Variants in CRPPA observed in about 807,000 individuals in gnomAD.
The protein encoded by CRPPA is D-ribitol-5-phosphate cytidylyltransferase.
Under a neutral mutation model 52.0 loss-of-function variants are expected in CRPPA, and 43 were observed. That is an observed-to-expected ratio of 0.83 (90% CI 0.65 to 1.07). The LOEUF is 1.07. CRPPA is among the 50% of genes least tolerant of loss of function. CRPPA has a pLI of 0.00. For missense variants in CRPPA, 629 were observed against 551.7 expected (o/e 1.14, Z -1.40); for synonymous variants, 250 against 203.5 (o/e 1.23, Z -1.94).
intron 8 of CRPPA, among the ~76,000 whole-genome samples, chr7:16,224,817 G>T (rs1276613638): frequency 6.6e-6 from 1 of 152,086 alleles, no homozygotes; most frequent in Non-Finnish European, 1.5e-5. Flanking sequence ...AACTATTTAA[G>T]AATTAGATTC....
At chr7:16,300,470 T>C (rs559688922) in intron 5 of CRPPA, among the ~76,000 whole-genome samples, 147 of 152,268 alleles carry the variant, frequency 9.7e-4, no homozygotes, top group South Asian at 2.9e-3. Flanking sequence ...TGTTTCAGGA[T>C]TGGGGTGAAC....
chr7:16,303,495 A>AAAAAACAAAC (rs1427980703), intron 4 of CRPPA, among the ~76,000 whole-genome samples: 4 of 147,996 alleles, frequency 2.7e-5, no homozygotes, highest in East Asian at 1.9e-4. Context: ...AAAAAAAAAA[A>AAAAAACAAAC]AAAAAAAACT....
At position 16,270,818 on chromosome 7, in the gene CRPPA, T is replaced by A. The variant is rs145461642; in HGVS notation, c.933+7311A>T. Among the ~76,000 whole-genome samples the A allele has an allele frequency of 2.4e-4, 37 of 152,236 alleles. No homozygotes were observed. In the East Asian group the frequency reaches 6.2e-3, roughly 25 times the overall value. Reference sequence around the variant, plus strand: ...TGTATCAAAATAAGCATAAAATAACTGTTTTGGATAGGTCTTAGGATGCTG... The same window carrying A: ...TGTATCAAAATAAGCATAAAATAACAGTTTTGGATAGGTCTTAGGATGCTG... On this transcript the variant is annotated intron_variant, in intron 6 of 9. Coordinates refer to ENST00000407010, the MANE Select transcript of CRPPA (RefSeq NM_001101426.4).
At chr7:16,314,738 C>T (rs1417477200) in intron 3 of CRPPA, among the ~76,000 whole-genome samples, 1 of 152,046 alleles carries the variant, frequency 6.6e-6, no homozygotes, top group African/African-American at 2.4e-5. Flanking sequence ...TTATTTTCTT[C>T]CTGCCTGCAT....
intron 9 of CRPPA, chr7:16,210,713 G>A (rs1458483610): frequency 6.6e-6 from 1 of 152,112 alleles, no homozygotes; most frequent in African/African-American, 2.4e-5. Context: ...TAAATGTTGG[G>A]TTATATAGTA....
chr7:16,174,387 T>C (rs1781252038), intron 9 of CRPPA, among the ~76,000 whole-genome samples: 1 of 152,280 alleles, frequency 6.6e-6, no homozygotes, highest in South Asian at 2.1e-4. Context: ...AATTTTGCTG[T>C]TGTAGCATAA....
At position 16,088,808 on chromosome 7, in the gene CRPPA, G is replaced by T. The variant is rs1346382991; in HGVS notation, c.*2887C>A. 6.2e-6 allele frequency: 1 copy of T among 161,384 alleles called. No individual in the cohort carries two copies. Among genetic ancestry groups the T allele is most frequent in the African/African-American group, 2.4e-5 (1 of 41,518 alleles). The allele number at this position is 161,384 out of a possible 1,614,324, so 10.0% of individuals were successfully genotyped here. The stretch of plus-strand genomic sequence containing the variant: ...GCTACAATTTCTTTATGCTGGGAAG[G>T]TGGCTGGAAAGCCAAAAGCTCCAGG... On this transcript the variant is annotated 3_prime_UTR_variant, in exon 10 of 10. Transcript: ENST00000407010.
At chr7:16,199,854 CTT>C (rs68003825) in intron 9 of CRPPA, among the ~76,000 whole-genome samples, 46 of 120,116 alleles carry the variant, frequency 3.8e-4, no homozygotes, top group East Asian at 1.2e-3. Flanking sequence ...TAAGCTTTTT[CTT>C]TTTTTTTTTT....
chr7:16,197,726 G>A (rs563153278), intron 9 of CRPPA, among the ~76,000 whole-genome samples: 1 of 149,298 alleles, frequency 6.7e-6, no homozygotes, highest in African/African-American at 2.5e-5. Context: ...AGGCAATGTG[G>A]GGAAAAGCAA....
At chr7:16,313,284 T>C (rs1583511444) in intron 3 of CRPPA, among the ~76,000 whole-genome samples, 1 of 151,964 alleles carries the variant, frequency 6.6e-6, no homozygotes. Flanking sequence ...TCTTCCTGTA[T>C]GATTTTGGGC....
At chr7:16,245,987 G>A (rs1783262315) in intron 8 of CRPPA, among the ~76,000 whole-genome samples, 1 of 151,846 alleles carries the variant, frequency 6.6e-6, no homozygotes, top group Non-Finnish European at 1.5e-5. Context: ...GGTGGATGTG[G>A]CAACTTCTTA....
intron 8 of CRPPA, among the ~76,000 whole-genome samples, chr7:16,227,914 T>C (rs772846519): frequency 6.6e-6 from 1 of 151,938 alleles, no homozygotes; most frequent in East Asian, 1.9e-4. Context: ...GGAGTGGTTT[T>C]TGTATATGGT....
intron 5 of CRPPA, among the ~76,000 whole-genome samples, chr7:16,289,465 T>A (rs1361718983): frequency 1.3e-5 from 2 of 151,872 alleles, no homozygotes; most frequent in African/African-American, 4.8e-5. Context: ...TAGCAGCATA[T>A]CAAAAGATAA....
intron 8 of CRPPA, among the ~76,000 whole-genome samples, chr7:16,240,784 C>T (rs1023795096): frequency 6.6e-6 from 1 of 151,990 alleles, no homozygotes; most frequent in Non-Finnish European, 1.5e-5. Context: ...GAGGAATAAG[C>T]AGGTAAGTAA....
intron 9 of CRPPA, among the ~76,000 whole-genome samples, chr7:16,099,385 G>C (rs1446826886): frequency 1.5e-5 from 2 of 137,650 alleles, no homozygotes; most frequent in Non-Finnish European, 3.2e-5. Context: ...GCAGAGGGAA[G>C]GGGAGGGGAG....
chr7:16,318,018 T>C (rs1193412229), intron 3 of CRPPA, among the ~76,000 whole-genome samples: 1 of 152,158 alleles, frequency 6.6e-6, no homozygotes, highest in Non-Finnish European at 1.5e-5. Context: ...GCTTTACTTC[T>C]CTCATGGCTC....
chr7:16,116,226 T>C (rs2128368442), intron 9 of CRPPA, among the ~76,000 whole-genome samples: 1 of 152,318 alleles, frequency 6.6e-6, no homozygotes, highest in Non-Finnish European at 1.5e-5. Context: ...CCTGATATGA[T>C]GCACTGAGAA....
intron 8 of CRPPA, among the ~76,000 whole-genome samples, chr7:16,231,460 G>A (rs1006814516): frequency 1.2e-4 from 19 of 152,152 alleles, no homozygotes; most frequent in Admixed American, 7.9e-4. Context: ...CAAAAGCAGT[G>A]CTTATATATT....
intron 6 of CRPPA, among the ~76,000 whole-genome samples, chr7:16,271,561 T>G (rs1246189873): frequency 2.0e-5 from 3 of 152,166 alleles, no homozygotes; most frequent in Non-Finnish European, 4.4e-5. Context: ...CAACCACAGA[T>G]GCTTTCTTTC....
Sources: gnomAD v4.1 joint callset for allele counts (sites outside exome capture counted in the v4.1 genomes callset) on GRCh38, gnomAD v4.1.1 for gene constraint, MANE v1.5 for transcripts, NCBI Gene and HGNC (gene_info 2026-07-23, HGNC 2026-07-21) for gene names.